The following INSYN2B variants were observed in gnomAD, a reference collection of about 807,000 sequenced individuals.
INSYN2B encodes the protein inhibitory synaptic factor family member 2B.
In INSYN2B, 16 loss-of-function variants were observed where a neutral mutation model predicts 41.2. That is an observed-to-expected ratio of 0.39 (90% CI 0.26 to 0.59). The LOEUF (loss-of-function observed/expected upper bound fraction) is 0.59, where lower values mean the gene tolerates loss of function less well. INSYN2B is among the 20% of genes least tolerant of loss of function. The pLI, the probability that INSYN2B is intolerant of heterozygous loss-of-function variation, is 0.57. For synonymous variants in INSYN2B, 245 were observed against 244.4 expected (o/e 1.00, Z -0.02); for missense variants, 608 against 646.4 (o/e 0.94, Z 0.64).
At chr5:169,902,904 C>T (rs1257159545) in intron 1 of INSYN2B, among the ~76,000 whole-genome samples, 3 of 152,104 alleles carry the variant, frequency 2.0e-5, no homozygotes, top group African/African-American at 7.2e-5. Flanking sequence ...TCGAGACCAT[C>T]TTGGCCAACA....
rs912677695 is a variant in INSYN2B at position 169,861,402 on chromosome 5, G to A, written c.*2871C>T. ...TACATCAGTACATCGTCTTTAAGAA[G>A]GTGCTCTATAGATGAGCTGGTATTA... is the stretch of plus-strand genomic sequence containing the variant. On this transcript the variant is annotated 3_prime_UTR_variant, in exon 4 of 4. Transcript: ENST00000377365. 1.3e-5 allele frequency among the ~76,000 whole-genome samples: 2 copies of A among 152,194 alleles called. No individual in the cohort carries two copies. Among genetic ancestry groups the A allele is most frequent in the African/African-American group, 2.4e-5 (1 of 41,444 alleles).
intron 1 of INSYN2B, among the ~76,000 whole-genome samples, chr5:169,964,539 G>C (rs1017702115): frequency 5.3e-5 from 8 of 152,224 alleles, no homozygotes; most frequent in African/African-American, 1.9e-4. Flanking sequence ...TAGAAACCCA[G>C]CATCTCCGCC....
At chr5:169,904,669 C>G (rs1212156529) in intron 1 of INSYN2B, among the ~76,000 whole-genome samples, 1 of 152,180 alleles carries the variant, frequency 6.6e-6, no homozygotes, top group Non-Finnish European at 1.5e-5. Context: ...AGAAGGCTTC[C>G]CATCATTTAA....
At position 169,957,895 on chromosome 5, in the gene INSYN2B, A is replaced by G. The variant is rs543010409; in HGVS notation, c.-919+22382T>C. Among the ~76,000 whole-genome samples the G allele has an allele frequency of 2.0e-5, 3 of 152,310 alleles. No homozygotes were observed. The South Asian group carries it at 6.2e-4, about 32-fold the overall frequency. ...TCCTTAAACATGCCTATTTGCAGAG[A>G]CACACTGAGCTAAGCAGCAAAAGTG... On this transcript the variant is annotated intron_variant, in intron 1 of 3. Transcript: ENST00000377365.
At chr5:169,928,733 A>G (rs942292160) in intron 1 of INSYN2B, among the ~76,000 whole-genome samples, 3 of 152,254 alleles carry the variant, frequency 2.0e-5, no homozygotes, top group African/African-American at 7.2e-5. Context: ...ACACCTTCAT[A>G]GAGAACAGTT....
At chr5:169,925,578 TTA>T (rs1491130182) in intron 1 of INSYN2B, among the ~76,000 whole-genome samples, 662 of 32,292 alleles carry the variant, frequency 0.021, 89 homozygotes, top group African/African-American at 0.074. Context: ...AGACTCTGTC[TTA>T]AAAAAAAAAA....
chr5:169,870,564 TG>T (rs111883617), intron 3 of INSYN2B, among the ~76,000 whole-genome samples: 3 of 152,010 alleles, frequency 2.0e-5, no homozygotes, highest in African/African-American at 2.4e-5. Context: ...TTTAGATCTG[TG>T]GGTTTTTTTC....
rs141749856 is a variant in INSYN2B at position 169,949,109 on chromosome 5, T to C, written c.-919+31168A>G. 2.9e-3 allele frequency among the ~76,000 whole-genome samples: 441 copies of C among 152,358 alleles called. 3 individuals are homozygous for C. Among genetic ancestry groups the C allele is most frequent in the African/African-American group, 0.01 (429 of 41,588 alleles). On this transcript the variant is annotated intron_variant, in intron 1 of 3. Coordinates refer to ENST00000377365, the MANE Select transcript of INSYN2B (RefSeq NM_001129891.3). The stretch of plus-strand genomic sequence containing the variant: ...ATGTGGATAAAAGTGTATAGCCCTG[T>C]ATTCGAATTTCCTTGGCATCTTTTT...
intron 1 of INSYN2B, among the ~76,000 whole-genome samples, 186 bp from the exon 2 acceptor site, chr5:169,885,002 A>G (rs1772890351): frequency 6.6e-6 from 1 of 152,058 alleles, no homozygotes; most frequent in Non-Finnish European, 1.5e-5. Flanking sequence ...CTTGGAACAA[A>G]ATGCCTGTCT....
chr5:169,911,077 C>T (rs1774569347), intron 1 of INSYN2B, among the ~76,000 whole-genome samples: 1 of 152,176 alleles, frequency 6.6e-6, no homozygotes, highest in Admixed American at 6.5e-5. Context: ...GTTGTTCTGG[C>T]CACTAAATCT....
intron 1 of INSYN2B, among the ~76,000 whole-genome samples, chr5:169,939,367 T>G (rs1478442892): frequency 1.3e-5 from 2 of 152,190 alleles, no homozygotes; most frequent in African/African-American, 2.4e-5. Flanking sequence ...TTCATGAATT[T>G]GTCACCTCCT....
chr5:169,933,267 CCTGTAGGA>C (rs1026089219), intron 1 of INSYN2B, among the ~76,000 whole-genome samples: 2 of 152,218 alleles, frequency 1.3e-5, no homozygotes, highest in African/African-American at 4.8e-5. Context: ...ATCAGGTTAG[CCTGTAGGA>C]CAGTGGCTGT....
At chr5:169,912,239 T>G (rs1219031322) in intron 1 of INSYN2B, among the ~76,000 whole-genome samples, 2 of 152,214 alleles carry the variant, frequency 1.3e-5, no homozygotes, top group Non-Finnish European at 2.9e-5. Flanking sequence ...TATTTATTTA[T>G]TTAGAAAATG....
At chr5:169,876,345 G>T (rs996206830) in intron 3 of INSYN2B, among the ~76,000 whole-genome samples, 2 of 152,224 alleles carry the variant, frequency 1.3e-5, no homozygotes, top group East Asian at 1.9e-4. Context: ...CCTGGGTTTT[G>T]ATATTTAGCA....
chr5:169,967,969 G>A (rs953167688), intron 1 of INSYN2B, among the ~76,000 whole-genome samples: 5 of 152,310 alleles, frequency 3.3e-5, no homozygotes, highest in African/African-American at 1.2e-4. Context: ...TGGGGAGGAG[G>A]AAGAAAGGTC....
chr5:169,925,431 T>C (rs951709311), intron 1 of INSYN2B, among the ~76,000 whole-genome samples: 1 of 151,972 alleles, frequency 6.6e-6, no homozygotes, highest in Non-Finnish European at 1.5e-5. Context: ...ATTACAAAAA[T>C]TAACTGAGCG....
At chr5:169,896,652 G>A (rs1193084867) in intron 1 of INSYN2B, among the ~76,000 whole-genome samples, 1 of 152,092 alleles carries the variant, frequency 6.6e-6, no homozygotes, top group Non-Finnish European at 1.5e-5. Context: ...ATTACTATAG[G>A]CAGTATCATC....
intron 1 of INSYN2B, among the ~76,000 whole-genome samples, chr5:169,951,539 T>C (rs779630378): frequency 9.2e-5 from 14 of 152,212 alleles, no homozygotes; most frequent in Non-Finnish European, 1.3e-4. Flanking sequence ...TTGGAAGACA[T>C]GGACACCTGC....
chr5:169,927,984 G>A (rs1275762358), intron 1 of INSYN2B, among the ~76,000 whole-genome samples: 1 of 152,190 alleles, frequency 6.6e-6, no homozygotes, highest in Non-Finnish European at 1.5e-5. Flanking sequence ...TTGGGTTTCA[G>A]TAGGTGTGGG....
Sources: allele counts gnomAD v4.1 joint callset (sites outside exome capture counted in the v4.1 genomes callset), GRCh38; gene constraint gnomAD v4.1.1; transcripts MANE v1.5; gene names NCBI Gene and HGNC (gene_info 2026-07-23, HGNC 2026-07-21).